Variants in RAD52 observed in about 807,000 individuals in gnomAD.
The protein encoded by RAD52 is RAD52 DNA repair protein.
Under a neutral mutation model 55.5 loss-of-function variants are expected in RAD52, and 47 were observed. That is an observed-to-expected ratio of 0.85 (90% CI 0.67 to 1.08). The LOEUF (loss-of-function observed/expected upper bound fraction) is 1.08. RAD52 is among the 50% of genes least tolerant of loss of function. The pLI is 0.00. For missense variants in RAD52, 468 were observed against 522.8 expected (o/e 0.90, Z 1.02); for synonymous variants, 184 against 198.9 (o/e 0.92, Z 0.63).
intron 1 of RAD52, among the ~76,000 whole-genome samples, chr12:970,318 C>CAAAAAAAAAA (rs4017793): frequency 4.5e-5 from 3 of 67,176 alleles, no homozygotes; most frequent in East Asian, 5.1e-4. Context: ...GACATCATCT[C>CAAAAAAAAAA]AAAAAAAAAA....
rs1957418290 is a variant in RAD52, at chr12:932,978, T to A, written c.81A>T (p.Gly27=). ...AAGGGSVLCF[G]QCQYTAEEYQ... is the part of the protein sequence containing the mutation. ...GGCATGAAGGAACCACAGTTACCTG[T>A]CCAAAGCATAACACTGAGCCGCCGC... Residue 27 remains glycine, a synonymous_variant, in exon 2 of 12, where the codon GGA becomes GGT. Transcript: ENST00000358495. The A allele has an allele frequency of 6.2e-7, 1 of 1,613,860 alleles. No homozygotes were observed. The highest frequency in any genetic ancestry group is 1.7e-5 in the Admixed American group (1 of 59,994).
At chr12:945,414 A>C (rs894375851) in intron 1 of RAD52, among the ~76,000 whole-genome samples, 1 of 151,368 alleles carries the variant, frequency 6.6e-6, no homozygotes, top group African/African-American at 2.4e-5. Flanking sequence ...CTAAAGCCTT[A>C]TGCAGCTCAC....
rs1285159082 is a variant in RAD52, at chr12:913,001, C to T, written c.*390G>A. The T allele has an allele frequency of 2.2e-5, 5 of 228,690 alleles. No homozygotes were observed. The East Asian group carries it at 3.3e-4, about 15-fold the overall frequency. The allele number at this position is 228,690 out of a possible 1,614,324, so 14.2% of individuals were successfully genotyped here. On this transcript the variant is annotated 3_prime_UTR_variant, in exon 12 of 12. Transcript: ENST00000358495. ...GAAAGAAGGCAGACGTTATGCAAAA[C>T]AACTGAATGTAGACAATTGCTGAGG... is the stretch of plus-strand genomic sequence containing the variant.
At chr12:926,395 T>TGAGG (rs1196564935) in intron 6 of RAD52, among the ~76,000 whole-genome samples, 20 of 151,944 alleles carry the variant, frequency 1.3e-4, no homozygotes, top group Non-Finnish European at 1.6e-4. Flanking sequence ...TCCCAGCTAC[T>TGAGG]CGGGAGGCTG....
At chr12:928,548 TTATGGATA>T (rs1397783619) in intron 5 of RAD52, among the ~76,000 whole-genome samples, 7 of 151,942 alleles carry the variant, frequency 4.6e-5, no homozygotes, top group African/African-American at 1.7e-4. Flanking sequence ...TAATATTCAG[TTATGGATA>T]TATGGATATA....
chr12:929,809 A>G lies in RAD52; in HGVS notation c.348+10T>C. The G allele has an allele frequency of 6.2e-7, 1 of 1,609,610 alleles. No homozygotes were observed. The highest frequency in any genetic ancestry group is 8.5e-7 in the Non-Finnish European group (1 of 1,177,078). On this transcript the variant is annotated intron_variant, in intron 5 of 11. Transcript: ENST00000358495. ...TCCTTCCGGGCAGCAGGTCTACTCC[A>G]TCCCCTCACCTTCAGCTGGACCCTC...
chr12:989,364 A>C (rs1959139277), intron 1 of RAD52, among the ~76,000 whole-genome samples: 2 of 152,174 alleles, frequency 1.3e-5, no homozygotes, highest in Admixed American at 1.3e-4. Flanking sequence ...ATAAAAAAAA[A>C]TTATCTTCCG....
At chr12:916,205 C>G (rs1956361856) in intron 9 of RAD52, 139 bp downstream of exon 9, 1 of 1,459,712 alleles carries the variant, frequency 6.9e-7, no homozygotes. Flanking sequence ...GCTCATCTCT[C>G]CTGCGTGTAG....
At chr12:978,890 G>GTAGATAGGTAGA (rs1958971556) in intron 1 of RAD52, among the ~76,000 whole-genome samples, 1 of 149,410 alleles carries the variant, frequency 6.7e-6, no homozygotes, top group Admixed American at 6.7e-5. Flanking sequence ...TAGATGATAG[G>GTAGATAGGTAGA]TAGATAGATA....
At chr12:917,649 G>A (rs1178267129) in intron 7 of RAD52, among the ~76,000 whole-genome samples, 2 of 149,712 alleles carry the variant, frequency 1.3e-5, no homozygotes, top group Non-Finnish European at 2.9e-5. Flanking sequence ...TTGGCAAGCC[G>A]AAGCAGATCA....
At chr12:986,848 C>G (rs1230098731) in intron 1 of RAD52, among the ~76,000 whole-genome samples, 2 of 150,916 alleles carry the variant, frequency 1.3e-5, no homozygotes, top group African/African-American at 2.4e-5. Flanking sequence ...TCCAATCTAA[C>G]TAAGTTCCTG....
chr12:958,936 C>T (rs1057404688), intron 1 of RAD52, among the ~76,000 whole-genome samples: 2 of 152,140 alleles, frequency 1.3e-5, no homozygotes, highest in Non-Finnish European at 2.9e-5. Flanking sequence ...AATTCCCCTG[C>T]GATCCTCAGG....
intron 1 of RAD52, among the ~76,000 whole-genome samples, chr12:971,662 T>A (rs1450133676): frequency 1.3e-5 from 2 of 152,232 alleles, no homozygotes; most frequent in Non-Finnish European, 2.9e-5. Context: ...CTATAAAATT[T>A]GTGAAAAAGT....
At chr12:922,207 A>AAAAC (rs1555170844) in intron 7 of RAD52, among the ~76,000 whole-genome samples, 1 of 151,152 alleles carries the variant, frequency 6.6e-6, no homozygotes, top group Non-Finnish European at 1.5e-5. Context: ...AAAAAAAAAA[A>AAAAC]AAAAAACCAA....
intron 7 of RAD52, among the ~76,000 whole-genome samples, chr12:922,213 A>AAC (rs58184593): frequency 2.0e-4 from 30 of 150,140 alleles, no homozygotes; most frequent in South Asian, 4.2e-4. Context: ...AAAAAAAAAA[A>AAC]CCAAAAACTC....
At position 957,286 on chromosome 12, in the gene RAD52, C is replaced by T. The variant is rs548332266; in HGVS notation, c.-18-24210G>A. ...TAGCCTGGCCAACATGGTGAAACCC[C>T]GTCTCTACTAAAAATACAAAAAAAC... On this transcript the variant is annotated intron_variant, in intron 1 of 11. Transcript: ENST00000430095. Among the ~76,000 whole-genome samples, 44 of 151,592 alleles carry T rather than the reference C, an allele frequency of 2.9e-4. No individual in the cohort carries two copies. In the Middle Eastern group the frequency reaches 0.01, roughly 35 times the overall value.
chr12:967,350 C>T (rs895299757), intron 1 of RAD52, among the ~76,000 whole-genome samples: 1 of 149,222 alleles, frequency 6.7e-6, no homozygotes, highest in Non-Finnish European at 1.5e-5. Flanking sequence ...CTGCACTCAT[C>T]CAGCCTGGGT....
chr12:920,982 A>G (rs892736381), intron 7 of RAD52, among the ~76,000 whole-genome samples: 3 of 152,218 alleles, frequency 2.0e-5, no homozygotes, highest in Admixed American at 6.5e-5. Flanking sequence ...AGAAATCAAC[A>G]GCAAAAAGAA....
chr12:915,124 A>G (rs540947665), intron 9 of RAD52, among the ~76,000 whole-genome samples: 6 of 152,316 alleles, frequency 3.9e-5, no homozygotes, highest in African/African-American at 1.4e-4. Flanking sequence ...ACAGAGCAAG[A>G]CCCTGTCTGA....
Sources: allele counts gnomAD v4.1 joint callset (sites outside exome capture counted in the v4.1 genomes callset), GRCh38; gene constraint gnomAD v4.1.1; transcripts MANE v1.5; gene names NCBI Gene and HGNC (gene_info 2026-07-23, HGNC 2026-07-21).